The following DENND4B variants were observed in gnomAD, a reference collection of about 807,000 sequenced individuals.
DENND4B encodes DENN domain-containing protein 4B.
Under a neutral mutation model 161.0 loss-of-function variants are expected in DENND4B, and 67 were observed. The ratio of observed to expected loss-of-function variants is 0.42; its 90% confidence interval spans 0.34 to 0.51. DENND4B has a LOEUF of 0.51. Ranked by LOEUF, DENND4B falls within the 20% of genes least tolerant of loss-of-function variation. The pLI is 0.08. For missense variants in DENND4B, 1,481 were observed against 1,968.0 expected, an observed-to-expected ratio of 0.75 and a Z score of 4.68; for synonymous variants, 753 against 813.8, an observed-to-expected ratio of 0.93 and a Z score of 1.27.
chr1:153,946,840 G>C (rs1272311439), upstream of DENND4B: 8 of 347,894 alleles, frequency 2.3e-5, no homozygotes, highest in Non-Finnish European at 4.1e-5. This position sits in a 1 kb window ranked among gnomAD's most constrained non-coding sequence, Gnocchi z 6.3. Context: ...CCAGAGGGCC[G>C]CGGCGCGCTC....
Position 153,944,383 on chromosome 1 carries a change from C to T in DENND4B, c.-9G>A. 1.3e-6 allele frequency: 2 copies of T among 1,599,960 alleles called. No homozygotes were observed. The highest frequency in any genetic ancestry group is 1.3e-5 in the African/African-American group (1 of 74,632). ...GGCCGCTCCTCCGCCATGGCCCCCCCCTCACTCACTGCATCTGGAATGGTC... is the reference window on the plus strand; with the variant it reads ...GGCCGCTCCTCCGCCATGGCCCCCCTCTCACTCACTGCATCTGGAATGGTC... On this transcript the variant is annotated 5_prime_UTR_variant, in exon 2 of 28. Coordinates refer to ENST00000361217, the MANE Select transcript of DENND4B (RefSeq NM_014856.3). The surrounding 1 kb of genome is among the most constrained non-coding windows in gnomAD (Gnocchi z 4.8).
Position 153,930,939 on chromosome 1 carries a change from A to G in DENND4B, c.4114+8T>C. ...ACCCTCCCCACCCAGGCCAAATACC[A>G]GACTCACTGTGGACCCTCCAGAGCA... is the stretch of plus-strand genomic sequence containing the variant. On this transcript the variant is annotated splice_region_variant and intron_variant, in intron 25 of 27. Transcript: ENST00000361217. This position sits in a 1 kb window ranked among gnomAD's most constrained non-coding sequence, Gnocchi z 4.7. 1 of 1,597,714 alleles carries G rather than the reference A, an allele frequency of 6.3e-7. No individual in the cohort carries two copies. Among genetic ancestry groups the G allele is most frequent in the Non-Finnish European group, 8.5e-7 (1 of 1,170,308 alleles).
intron 1 of DENND4B, among the ~76,000 whole-genome samples, chr1:153,945,920 G>C (rs1035522253): frequency 1.3e-5 from 2 of 152,150 alleles, no homozygotes; most frequent in South Asian, 4.1e-4. Context: ...CCGCGTGCCG[G>C]GTGACGGGAA....
Position 153,944,086 on chromosome 1 carries a change from G to A in DENND4B, c.289C>T (p.Arg97Cys), listed in dbSNP as rs745340562. 20 of 1,587,464 alleles carry A rather than the reference G, an allele frequency of 1.3e-5. No individual in the cohort carries two copies. Among genetic ancestry groups the A allele is most frequent in the African/African-American group, 5.4e-5 (4 of 74,430 alleles). Residue 97 changes from arginine to cysteine, a missense_variant, in exon 2 of 28, where the codon CGT becomes TGT. Transcript: ENST00000361217. The surrounding 1 kb of genome is among the most constrained non-coding windows in gnomAD (Gnocchi z 4.8). The stretch of plus-strand genomic sequence containing the variant: ...AGCTCAACGAGGGGGGGCTTGTCAC[G>A]GCCCCTGCGGTAGCAGATGACGGGT... ...TQPVICYRRG[R>C]DKPPLVELGV... is the part of the protein sequence containing the mutation.
Position 153,940,459 on chromosome 1 carries a change from C to A in DENND4B, c.1474G>T (p.Val492Leu), listed in dbSNP as rs770596398. Residue 492 changes from valine to leucine, a missense_variant, in exon 10 of 28, where the codon GTA becomes TTA. By Grantham distance (32) the Val-to-Leu change is conservative. Coordinates refer to ENST00000361217, the MANE Select transcript of DENND4B (RefSeq NM_014856.3). The surrounding 1 kb of genome is among the most constrained non-coding windows in gnomAD (Gnocchi z 5.6). ...AAGAGCGTGTTGGTATCAAGGTCTA[C>A]ACAGATGACATCAGCAGGCGGGTCA... is the stretch of plus-strand genomic sequence containing the variant. The part of the protein sequence containing the change: ...LHDPPADVIC[V>L]DLDTNTLFQT... 1 of 1,612,900 alleles carries A rather than the reference C, an allele frequency of 6.2e-7. No individual in the cohort carries two copies. Among genetic ancestry groups the A allele is most frequent in the African/African-American group, 1.3e-5 (1 of 74,998 alleles).
rs376204438 is a variant in DENND4B, at chr1:153,936,015, A to G, written c.2568+45T>C. On this transcript the variant is annotated intron_variant, in intron 17 of 27. Transcript: ENST00000361217. The surrounding 1 kb of genome is among the most constrained non-coding windows in gnomAD (Gnocchi z 4.1). ...GAGCAGCAGCAGCCTCCCCTCACACACCCTGGCACAGCTGCCATCCCACCC... is the reference window on the plus strand; with the variant it reads ...GAGCAGCAGCAGCCTCCCCTCACACGCCCTGGCACAGCTGCCATCCCACCC... 42 of 1,606,832 alleles carry G rather than the reference A, an allele frequency of 2.6e-5. No homozygotes were observed. In the African/African-American group the frequency reaches 5.1e-4, roughly 19 times the overall value.
chr1:153,934,947 C>G lies in DENND4B; in HGVS notation c.2586G>C (p.Lys862Asn). 6.2e-7 allele frequency: 1 copy of G among 1,612,020 alleles called. No individual in the cohort carries two copies. Among genetic ancestry groups the G allele is most frequent in the Non-Finnish European group, 8.5e-7 (1 of 1,179,878 alleles). The change falls in exon 18 of 28, where the codon AAG becomes AAC. Residue 862 changes from lysine to asparagine, a missense_variant. Physicochemically the swap from Lys to Asn is moderately conservative, Grantham distance 94. This residue lies in a region of DENND4B where 339 missense variants were observed against 330.3 expected (regional missense o/e 1.03). Coordinates refer to ENST00000361217, the MANE Select transcript of DENND4B (RefSeq NM_014856.3). The surrounding 1 kb of genome is among the most constrained non-coding windows in gnomAD (Gnocchi z 5.3). ...GCCCACCTGGTGTGCCAGACGGCCACTTGCTTTCCAACACAGCCTACCAAG... is the reference window on the plus strand; with the variant it reads ...GCCCACCTGGTGTGCCAGACGGCCAGTTGCTTTCCAACACAGCCTACCAAG... ...GYYNKAVLES[K>N]WPSGTPGGRL...
Position 153,932,265 on chromosome 1 carries a change from C to T in DENND4B, c.3935G>A (p.Arg1312His), listed in dbSNP as rs976665337. 4 of 1,613,938 alleles carry T rather than the reference C, an allele frequency of 2.5e-6. No individual in the cohort carries two copies. Among genetic ancestry groups the T allele is most frequent in the South Asian group, 1.1e-5 (1 of 91,062 alleles). Reference sequence around the variant, plus strand: ...CAGGCCTGGTAGAATACTGGGCAGGCGTAGCCGTTGGAAATACCACAAAAG... The same window carrying T: ...CAGGCCTGGTAGAATACTGGGCAGGTGTAGCCGTTGGAAATACCACAAAAG... ...WNLLWYFQRL[R>H]LPSILPGLVL... The change falls in exon 24 of 28, where the codon CGC (arginine) becomes CAC (histidine). Residue 1312 changes from arginine (R) to histidine (H), a missense_variant. Around this residue, in one of 3 missense-constraint regions of DENND4B, gnomAD observed 336 missense variants for 503.3 expected, o/e 0.67. Transcript: ENST00000361217. The surrounding 1 kb of genome is among the most constrained non-coding windows in gnomAD (Gnocchi z 5.8).
At position 153,930,609 on chromosome 1, in the gene DENND4B, G is replaced by A. The variant is rs765187119; in HGVS notation, c.4281-6C>T. 1.2e-6 allele frequency: 2 copies of A among 1,613,832 alleles called. No individual in the cohort carries two copies. The highest frequency in any genetic ancestry group is 1.3e-5 in the African/African-American group (1 of 74,914). On this transcript the variant is annotated splice_region_variant and splice_polypyrimidine_tract_variant and intron_variant, in intron 26 of 27. Transcript: ENST00000361217. The surrounding 1 kb of genome is among the most constrained non-coding windows in gnomAD (Gnocchi z 4.7). ...ATATCTCACGGTAGATTCCCCTTTA[G>A]TGGAGGCAGAAGTGTATGAGTGAGA...
In DENND4B at chr1:153,940,975, T is replaced by C. The variant is rs748354681; in HGVS notation, c.1255A>G (p.Thr419Ala). The change falls in exon 9 of 28, where the codon ACA (threonine) becomes GCA (alanine). Residue 419 changes from threonine (T) to alanine (A), a missense_variant. By Grantham distance (58) the Thr-to-Ala change is moderately conservative. Coordinates refer to ENST00000361217, the MANE Select transcript of DENND4B (RefSeq NM_014856.3). The surrounding 1 kb of genome is among the most constrained non-coding windows in gnomAD (Gnocchi z 5.6). ...GAGTGGACTAGCAGCTTGTGCTCTG[T>C]GAGCACAGCCAGCAGCAGTGTGATA... ...LAITLLLAVL[T>A]EHKLLVHSLR... The C allele has an allele frequency of 2.1e-5, 34 of 1,590,690 alleles. No homozygotes were observed. The highest frequency in any genetic ancestry group is 2.8e-5 in the Non-Finnish European group (33 of 1,170,874).
chr1:153,937,828 G>C lies in DENND4B; in HGVS notation c.2001C>G (p.Pro667=), dbSNP rs765149375. The change falls in exon 14 of 28, where the codon CCC becomes CCG. Residue 667 remains proline, a synonymous_variant. Coordinates refer to ENST00000361217, the MANE Select transcript of DENND4B (RefSeq NM_014856.3). This position sits in a 1 kb window ranked among gnomAD's most constrained non-coding sequence, Gnocchi z 4.7. Reference sequence around the variant, plus strand: ...CTGACAGCTCCTCTAGCTCCACTAAGGGTGTCGGCTCAGGCTTCTCCTGCT... The same window carrying C: ...CTGACAGCTCCTCTAGCTCCACTAACGGTGTCGGCTCAGGCTTCTCCTGCT... The part of the protein sequence containing the change: ...HPEQEKPEPT[P]LVELEELSGS... 1 of 1,614,030 alleles carries C rather than the reference G, an allele frequency of 6.2e-7. No individual in the cohort carries two copies. Among genetic ancestry groups the C allele is most frequent in the South Asian group, 1.1e-5 (1 of 91,086 alleles).
At position 153,932,460 on chromosome 1, in the gene DENND4B, A is replaced by G. The variant is rs372834188; in HGVS notation, c.3760-20T>C. ...GGCTCCCTATCAGGCACAAAGGGGG[A>G]GGGCAGTAGAGGGCATGTACATCCC... On this transcript the variant is annotated intron_variant, in intron 23 of 27. Coordinates refer to ENST00000361217, the MANE Select transcript of DENND4B (RefSeq NM_014856.3). The surrounding 1 kb of genome is among the most constrained non-coding windows in gnomAD (Gnocchi z 5.8). The G allele has an allele frequency of 7.6e-6, 12 of 1,582,694 alleles. No homozygotes were observed. Among genetic ancestry groups the G allele is most frequent in the Middle Eastern group, 1.8e-4 (1 of 5,700 alleles).
chr1:153,945,804 G>T lies in DENND4B; in HGVS notation c.-24+497C>A, dbSNP rs560130508. ...TGGGTGGCACCCATCCGCAGGACCTGCGCACCGGGGCCTCCCCTCACCAAG... is the reference window on the plus strand; with the variant it reads ...TGGGTGGCACCCATCCGCAGGACCTTCGCACCGGGGCCTCCCCTCACCAAG... On this transcript the variant is annotated intron_variant, in intron 1 of 27. Coordinates refer to ENST00000361217, the MANE Select transcript of DENND4B (RefSeq NM_014856.3). Among the ~76,000 whole-genome samples, 5 of 152,362 alleles carry T rather than the reference G, an allele frequency of 3.3e-5. No homozygotes were observed. In the East Asian group the frequency reaches 9.6e-4, roughly 29 times the overall value.
chr1:153,945,297 G>T, intron 1 of DENND4B: 2 of 600,812 alleles, frequency 3.3e-6, no homozygotes, highest in African/African-American at 1.9e-5. Context: ...AAACAGTGGA[G>T]GGGAAGCTGC....
rs371568858 is a variant in DENND4B, at chr1:153,932,190, A to T, written c.3996+14T>A. 24 of 1,609,216 alleles carry T rather than the reference A, an allele frequency of 1.5e-5. No individual in the cohort carries two copies. Among genetic ancestry groups the T allele is most frequent in the Non-Finnish European group, 1.7e-5 (20 of 1,176,582 alleles). On this transcript the variant is annotated intron_variant, in intron 24 of 27. Transcript: ENST00000361217. This position sits in a 1 kb window ranked among gnomAD's most constrained non-coding sequence, Gnocchi z 5.8. ...GAGGCACTTAGGAAACAGGGGCCAC[A>T]TGGGGGCACTGACCTGGGAGTGCGA...
chr1:153,931,111 G>T (rs1678896749), intron 24 of DENND4B, 47 bp from the exon 25 acceptor site: 2 of 1,479,432 alleles, frequency 1.4e-6, no homozygotes, highest in South Asian at 1.2e-5. Flanking sequence ...ACGAATGGGA[G>T]GCAGAGGACA....
Position 153,942,367 on chromosome 1 carries a change from A to G in DENND4B, c.641-11T>C. On this transcript the variant is annotated splice_polypyrimidine_tract_variant and intron_variant, in intron 4 of 27. Transcript: ENST00000361217. The surrounding 1 kb of genome is among the most constrained non-coding windows in gnomAD (Gnocchi z 6.9). ...AGCGGCCCAGCAGCTCTGCACCCCC[A>G]GCATAGTTGGGGGTACCCAAAAGGA... is the stretch of plus-strand genomic sequence containing the variant. 1 of 1,608,108 alleles carries G rather than the reference A, an allele frequency of 6.2e-7. No homozygotes were observed. The highest frequency in any genetic ancestry group is 8.5e-7 in the Non-Finnish European group (1 of 1,176,748).
Position 153,946,528 on chromosome 1 carries a change from A to C in DENND4B, c.-251T>G, listed in dbSNP as rs1224892374. ...CCCCGCGTCCCCGCCGCGCTGCGCC[A>C]CGCGGGGACTGTGCTGCCGCGCTGC... On this transcript the variant is annotated 5_prime_UTR_variant, in exon 1 of 28. Coordinates refer to ENST00000361217, the MANE Select transcript of DENND4B (RefSeq NM_014856.3). The surrounding 1 kb of genome is among the most constrained non-coding windows in gnomAD (Gnocchi z 6.3). The C allele has an allele frequency of 2.6e-6, 1 of 389,902 alleles. No individual in the cohort carries two copies. The highest frequency in any genetic ancestry group is 3.6e-5 in the East Asian group (1 of 27,420). The allele number at this position is 389,902 out of a possible 1,614,324, so 24.2% of individuals were successfully genotyped here. A position where few individuals can be genotyped will look rare whatever the true frequency, so the allele number is the denominator to read the frequency against.
intron 17 of DENND4B, chr1:153,935,230 T>C (rs1255352935): frequency 7.8e-6 from 4 of 513,116 alleles, no homozygotes; most frequent in Non-Finnish European, 1.3e-5. Context: ...TATATGGCTC[T>C]GAAGAAATCA....
Sources: allele counts gnomAD v4.1 joint callset (sites outside exome capture counted in the v4.1 genomes callset), GRCh38; gene constraint gnomAD v4.1.1; regional missense constraint gnomAD v4.1.1; non-coding constraint Gnocchi (gnomAD v3.1); transcripts MANE v1.5; gene names NCBI Gene and HGNC (gene_info 2026-07-23, HGNC 2026-07-21).